SCHIP1: variants seen among roughly 807,000 people sequenced by gnomAD.
SCHIP1 encodes schwannomin interacting protein 1.
SCHIP1 carries 8 observed loss-of-function variants against 29.7 expected under a neutral mutation model. The ratio of observed to expected loss-of-function variants is 0.27; its 90% CI spans 0.16 to 0.49. SCHIP1 has a LOEUF of 0.49. Among genes scored for constraint, SCHIP1 ranks in the 20% least tolerant of loss-of-function variants. The pLI, the probability that SCHIP1 is intolerant of heterozygous loss-of-function variation, is 0.99. For synonymous variants in SCHIP1, 76 were observed against 94.9 expected (o/e 0.80, Z 1.16); for missense variants, 193 against 294.6 (o/e 0.66, Z 2.52).
At chr3:159,468,811 G>A in the SCHIP1 span, among the ~76,000 whole-genome samples, 8 of 144,708 alleles carry the variant, frequency 5.5e-5, no homozygotes, top group Admixed American at 1.4e-4. Context: ...CTGTTGCCCT[G>A]GCTGGAGCAC....
chr3:159,875,874 C>G (rs1178636572), intron 2 of SCHIP1, among the ~76,000 whole-genome samples: 1 of 152,118 alleles, frequency 6.6e-6, no homozygotes, highest in East Asian at 1.9e-4. Context: ...GGGAGGATCC[C>G]TTGAGCCCAG....
chr3:159,336,191 G>C, the SCHIP1 span, among the ~76,000 whole-genome samples: 2 of 152,094 alleles, frequency 1.3e-5, no homozygotes, highest in African/African-American at 4.8e-5. Context: ...TGATGGAGTT[G>C]TTTGTTTTTT....
chr3:159,339,950 T>C, the SCHIP1 span, among the ~76,000 whole-genome samples: 1 of 152,112 alleles, frequency 6.6e-6, no homozygotes, highest in Non-Finnish European at 1.5e-5. Flanking sequence ...TTGAGAAAGG[T>C]AGTAATTCTA....
chr3:159,545,642 T>A, the SCHIP1 span, among the ~76,000 whole-genome samples: 2 of 147,814 alleles, frequency 1.4e-5, no homozygotes, highest in African/African-American at 4.9e-5. Context: ...ATATATACAA[T>A]ATACATATAT....
the SCHIP1 span, among the ~76,000 whole-genome samples, chr3:159,565,932 C>T: frequency 1.3e-5 from 2 of 152,162 alleles, no homozygotes; most frequent in African/African-American, 4.8e-5. Context: ...GTAGGATAAT[C>T]ACTTACTCTA....
the SCHIP1 span, among the ~76,000 whole-genome samples, chr3:159,285,368 A>G: frequency 6.6e-6 from 1 of 152,168 alleles, no homozygotes; most frequent in African/African-American, 2.4e-5. Flanking sequence ...TAGATAACAG[A>G]TAACTGATAG....
At chr3:159,883,645 C>T (rs1716668092) in intron 2 of SCHIP1, among the ~76,000 whole-genome samples, 1 of 152,014 alleles carries the variant, frequency 6.6e-6, no homozygotes, top group Admixed American at 6.6e-5. Context: ...TACTAAAATC[C>T]CCTCTGAACC....
the SCHIP1 span, among the ~76,000 whole-genome samples, chr3:159,510,596 G>T: frequency 6.6e-6 from 1 of 152,150 alleles, no homozygotes; most frequent in Admixed American, 6.5e-5. Context: ...CATCTTTGTG[G>T]TTTTATCTAC....
At chr3:159,642,825 A>T in the SCHIP1 span, among the ~76,000 whole-genome samples, 2 of 152,112 alleles carry the variant, frequency 1.3e-5, no homozygotes, top group Non-Finnish European at 2.9e-5. Context: ...CTATGAGTAC[A>T]AGGACTCAGA....
the SCHIP1 span, among the ~76,000 whole-genome samples, chr3:159,442,049 A>G: frequency 6.6e-6 from 1 of 152,252 alleles, no homozygotes; most frequent in South Asian, 2.1e-4. Context: ...GTATGGCTAT[A>G]TGTTGTGTCC....
chr3:159,686,322 G>C, the SCHIP1 span, among the ~76,000 whole-genome samples: 6 of 152,188 alleles, frequency 3.9e-5, no homozygotes, highest in African/African-American at 1.4e-4. Context: ...GTACCAGAAT[G>C]ATATTATACC....
the SCHIP1 span, chr3:159,274,570 C>A: frequency 4.9e-6 from 4 of 820,186 alleles, no homozygotes; most frequent in Non-Finnish European, 5.9e-6. Context: ...AAAATGGTTT[C>A]TTCAAAAACA....
intron 1 of SCHIP1, among the ~76,000 whole-genome samples, chr3:159,865,527 A>G (rs930787117): frequency 2.0e-5 from 3 of 152,180 alleles, no homozygotes; most frequent in Non-Finnish European, 2.9e-5. Context: ...TATTCCGGAC[A>G]TTATTGTCAA....
the SCHIP1 span, chr3:159,375,890 G>GTCTT: frequency 3.5e-6 from 1 of 289,598 alleles, no homozygotes; most frequent in East Asian, 1.7e-4. Flanking sequence ...TTTAGATCTG[G>GTCTT]TCTTTATCTA....
At chr3:159,447,562 G>A in the SCHIP1 span, among the ~76,000 whole-genome samples, 1 of 152,278 alleles carries the variant, frequency 6.6e-6, no homozygotes, top group Non-Finnish European at 1.5e-5. Context: ...GGCTCCCATT[G>A]CCGTGCCATA....
At chr3:159,435,656 A>G in the SCHIP1 span, among the ~76,000 whole-genome samples, 1 of 152,192 alleles carries the variant, frequency 6.6e-6, no homozygotes, top group Non-Finnish European at 1.5e-5. Context: ...GACATTATGC[A>G]TGTAAATGTA....
the SCHIP1 span, among the ~76,000 whole-genome samples, chr3:159,462,365 C>T: frequency 6.6e-6 from 1 of 152,154 alleles, no homozygotes; most frequent in Non-Finnish European, 1.5e-5. Flanking sequence ...ATCTCCCCAA[C>T]CTGCCCTGCG....
At chr3:159,826,131 A>G in the SCHIP1 span, among the ~76,000 whole-genome samples, 1 of 152,164 alleles carries the variant, frequency 6.6e-6, no homozygotes, top group East Asian at 1.9e-4. Context: ...GATGTGACAA[A>G]ATCTGATTAT....
At chr3:159,716,087 G>A in the SCHIP1 span, among the ~76,000 whole-genome samples, 2 of 152,146 alleles carry the variant, frequency 1.3e-5, no homozygotes, top group African/African-American at 4.8e-5. Context: ...GAGAGTGAGG[G>A]CCAATATTCA....
Sources: gnomAD v4.1 joint callset for allele counts (sites outside exome capture counted in the v4.1 genomes callset) on GRCh38, gnomAD v4.1.1 for gene constraint, MANE v1.5 for transcripts, NCBI Gene and HGNC (gene_info 2026-07-23, HGNC 2026-07-21) for gene names.